The following RALYL variants were observed in gnomAD, a reference collection of about 807,000 sequenced individuals.
The protein encoded by RALYL is RALY RNA binding protein like, also known as RNA-binding Raly-like protein.
In RALYL, 29 loss-of-function variants were observed where a neutral mutation model predicts 35.1. The ratio of observed to expected loss-of-function variants is 0.83; its 90% CI spans 0.61 to 1.13. The LOEUF is 1.13. Among genes scored for constraint, RALYL ranks in the 50% most tolerant of loss-of-function variants. RALYL has a pLI of 0.00. For synonymous variants in RALYL, 120 were observed against 127.6 expected, an observed-to-expected ratio of 0.94 and a Z score of 0.40; for missense variants, 359 against 360.4, an observed-to-expected ratio of 1.00 and a Z score of 0.03.
chr8:84,632,139 G>A (rs1824050123), intron 2 of RALYL, among the ~76,000 whole-genome samples: 2 of 151,952 alleles, frequency 1.3e-5, no homozygotes, highest in African/African-American at 4.8e-5. Context: ...CCATGCGAGA[G>A]GACAGCTGGA....
chr8:84,426,545 A>G (rs1323001268), intron 1 of RALYL, among the ~76,000 whole-genome samples: 1 of 152,012 alleles, frequency 6.6e-6, no homozygotes, highest in South Asian at 2.1e-4. Context: ...TTCAATAAGC[A>G]TAATGTACTC....
chr8:84,531,906 G>T lies in RALYL; in HGVS notation c.256+2329G>T, dbSNP rs575633167. On this transcript the variant is annotated intron_variant, in intron 2 of 8. Coordinates refer to ENST00000521268, the MANE Select transcript of RALYL (RefSeq NM_173848.7). The stretch of plus-strand genomic sequence containing the variant: ...CATGCACAAACCCAAGGAAAAAAAT[G>T]ATGACACCAAATTGCTTTGCTTTGA... Among the ~76,000 whole-genome samples the T allele has an allele frequency of 1.1e-4, 16 of 151,988 alleles. No homozygotes were observed. In the South Asian group the frequency reaches 3.3e-3, roughly 31 times the overall value.
At chr8:84,689,070 CTT>C (rs543112839) in intron 2 of RALYL, among the ~76,000 whole-genome samples, 1 of 146,254 alleles carries the variant, frequency 6.8e-6, no homozygotes, top group East Asian at 2.0e-4. Context: ...GACTTTTTTT[CTT>C]TTTTTTTTTA....
intron 4 of RALYL, among the ~76,000 whole-genome samples, chr8:84,825,344 C>A (rs1443296990): frequency 6.6e-6 from 1 of 151,938 alleles, no homozygotes; most frequent in Non-Finnish European, 1.5e-5. Context: ...AAATTAAAAA[C>A]CACAGATGTT....
chr8:84,726,855 A>C (rs1381792110), intron 2 of RALYL, among the ~76,000 whole-genome samples: 1 of 152,070 alleles, frequency 6.6e-6, no homozygotes, highest in Non-Finnish European at 1.5e-5. Context: ...GTAAATATAA[A>C]TAAGGGCGAT....
intron 2 of RALYL, among the ~76,000 whole-genome samples, chr8:84,532,004 CTT>C (rs1339328699): frequency 6.6e-6 from 1 of 152,072 alleles, no homozygotes; most frequent in Non-Finnish European, 1.5e-5. Context: ...TAGATCCTCT[CTT>C]AGTTTTGTCC....
At chr8:84,341,596 C>T (rs1848802910) in intron 1 of RALYL, among the ~76,000 whole-genome samples, 1 of 151,770 alleles carries the variant, frequency 6.6e-6, no homozygotes, top group Non-Finnish European at 1.5e-5. Context: ...TTTAAATTGC[C>T]CTTGAAAAAG....
At chr8:84,751,596 T>C (rs781004875) in intron 2 of RALYL, among the ~76,000 whole-genome samples, 4 of 152,162 alleles carry the variant, frequency 2.6e-5, no homozygotes, top group Non-Finnish European at 5.9e-5. Context: ...TACCCATTAT[T>C]GGAGGTGGGG....
At chr8:84,622,269 G>A (rs1821698416) in intron 2 of RALYL, among the ~76,000 whole-genome samples, 1 of 152,132 alleles carries the variant, frequency 6.6e-6, no homozygotes, top group South Asian at 2.1e-4. Flanking sequence ...TCATCCCAAA[G>A]TATATTTCAG....
intron 1 of RALYL, among the ~76,000 whole-genome samples, chr8:84,400,001 C>T (rs2042730292): frequency 6.6e-6 from 1 of 152,156 alleles, no homozygotes; most frequent in Admixed American, 6.5e-5. Context: ...CCTGTAACCA[C>T]AGCTACTTAG....
At chr8:84,584,565 T>C (rs952802225) in intron 2 of RALYL, among the ~76,000 whole-genome samples, 6 of 150,824 alleles carry the variant, frequency 4.0e-5, no homozygotes, top group Admixed American at 1.3e-4. Flanking sequence ...ATTGTGCCAC[T>C]GCACTCCAGC....
At chr8:84,666,119 T>C (rs1182856301) in intron 2 of RALYL, among the ~76,000 whole-genome samples, 3 of 152,038 alleles carry the variant, frequency 2.0e-5, no homozygotes, top group Non-Finnish European at 4.4e-5. Flanking sequence ...ATAACAGCTC[T>C]TTGATTCTGC....
At position 84,622,643 on chromosome 8, in the gene RALYL, T is replaced by C. The variant is rs73296154; in HGVS notation, c.256+93066T>C. The stretch of plus-strand genomic sequence containing the variant: ...CCAGGGAAGTCTCTCTCAGAGGCCA[T>C]AAGACCAATTTCTATTTAGTTTCCT... On this transcript the variant is annotated intron_variant, in intron 2 of 8. Coordinates refer to ENST00000521268, the MANE Select transcript of RALYL (RefSeq NM_173848.7). Among the ~76,000 whole-genome samples the C allele has an allele frequency of 5.2e-3, 790 of 152,226 alleles. 6 individuals carry two copies. Among genetic ancestry groups the C allele is most frequent in the African/African-American group, 0.018 (752 of 41,544 alleles).
intron 2 of RALYL, among the ~76,000 whole-genome samples, chr8:84,650,972 C>CA (rs1450888209): frequency 6.6e-5 from 10 of 151,780 alleles, no homozygotes; most frequent in Admixed American, 6.6e-4. Context: ...ATCACAAGAA[C>CA]AAAAAACCAA....
chr8:84,188,466 G>A (rs16912508), intron 1 of RALYL, among the ~76,000 whole-genome samples: 38,479 of 151,874 alleles, frequency 0.25, 8,355 homozygotes, highest in African/African-American at 0.59. Context: ...TGACCTGTAC[G>A]AATGCTTGTA....
At chr8:84,299,051 C>T (rs1345822737) in intron 1 of RALYL, among the ~76,000 whole-genome samples, 1 of 151,958 alleles carries the variant, frequency 6.6e-6, no homozygotes, top group Non-Finnish European at 1.5e-5. Flanking sequence ...CCTTTTATTT[C>T]TCTTGCATGA....
intron 8 of RALYL, among the ~76,000 whole-genome samples, chr8:84,888,934 TA>T (rs1554641685): frequency 6.6e-6 from 1 of 152,028 alleles, no homozygotes; most frequent in Non-Finnish European, 1.5e-5. Flanking sequence ...AATTTTAATA[TA>T]GATGCGGTTT....
At chr8:84,184,754 G>T (rs1812052111) in intron 1 of RALYL, 2 of 437,368 alleles carry the variant, frequency 4.6e-6, no homozygotes, top group Non-Finnish European at 8.0e-6. Flanking sequence ...CGGCCGGCGG[G>T]CCCTGTAAGT....
chr8:84,229,734 G>T (rs552934598), intron 1 of RALYL, among the ~76,000 whole-genome samples: 1 of 152,166 alleles, frequency 6.6e-6, no homozygotes, highest in East Asian at 1.9e-4. Flanking sequence ...ATTATAGTTA[G>T]AAGTAACCTT....
Sources: allele counts gnomAD v4.1 joint callset (sites outside exome capture counted in the v4.1 genomes callset), GRCh38; gene constraint gnomAD v4.1.1; transcripts MANE v1.5; gene names NCBI Gene and HGNC (gene_info 2026-07-23, HGNC 2026-07-21).